QRFPR: variants seen among roughly 807,000 people sequenced by gnomAD.
QRFPR encodes pyroglutamylated RFamide peptide receptor.
QRFPR carries 37 observed loss-of-function variants against 31.3 expected under a neutral mutation model. The observed-to-expected ratio is 1.18, with a 90% CI of 0.91 to 1.56. The LOEUF is 1.56. Ranked by LOEUF, QRFPR falls within the 40% of genes most tolerant of loss-of-function variation. The pLI is 0.00. For synonymous variants in QRFPR, 197 were observed against 192.0 expected, an observed-to-expected ratio of 1.03 and a Z score of -0.22; for missense variants, 542 against 532.5, an observed-to-expected ratio of 1.02 and a Z score of -0.18.
intron 1 of QRFPR, among the ~76,000 whole-genome samples, chr4:121,364,589 G>A (rs955820246): frequency 1.3e-5 from 2 of 148,188 alleles, no homozygotes; most frequent in Non-Finnish European, 3.0e-5. Context: ...GCTGTGAGCC[G>A]AGATTGCGCC....
chr4:121,376,374 C>T (rs1424314642), intron 1 of QRFPR, among the ~76,000 whole-genome samples: 4 of 152,144 alleles, frequency 2.6e-5, no homozygotes, highest in Non-Finnish European at 5.9e-5. Flanking sequence ...CACTTAGATG[C>T]TGTGGATCAG....
chr4:121,349,795 G>A (rs927044969), intron 1 of QRFPR, among the ~76,000 whole-genome samples: 1 of 152,114 alleles, frequency 6.6e-6, no homozygotes, highest in Non-Finnish European at 1.5e-5. Flanking sequence ...CAATTAGAAT[G>A]GTTATCAAAT....
chr4:121,340,487 C>T lies in QRFPR; in HGVS notation c.464G>A (p.Trp155Ter). 6.2e-7 allele frequency: 1 copy of T among 1,614,050 alleles called. No individual in the cohort carries two copies. Among genetic ancestry groups the T allele is most frequent in the Non-Finnish European group, 8.5e-7 (1 of 1,179,964 alleles). Residue 155 changes from tryptophan to a stop codon, truncating the protein, a stop_gained, in exon 2 of 6, where the codon TGG becomes TAG. Coordinates refer to ENST00000394427, the MANE Select transcript of QRFPR (RefSeq NM_198179.3). LOFTEE classifies it high-confidence loss of function. ...QGLVHPFKMK[W>*]QYTNRRAFTM... is the part of the protein sequence containing the mutation. ...GAAAGCCCTTCGGTTGGTGTATTGCCACTTCATTTTAAAAGGATGCACAAG... is the reference window on the plus strand; with the variant it reads ...GAAAGCCCTTCGGTTGGTGTATTGCTACTTCATTTTAAAAGGATGCACAAG...
At chr4:121,345,284 C>T (rs1312475038) in intron 1 of QRFPR, among the ~76,000 whole-genome samples, 1 of 152,192 alleles carries the variant, frequency 6.6e-6, no homozygotes, top group Non-Finnish European at 1.5e-5. Context: ...TAGGTCACTG[C>T]TGAGTTATGG....
chr4:121,352,115 T>G (rs924455751), intron 1 of QRFPR, among the ~76,000 whole-genome samples: 3 of 152,178 alleles, frequency 2.0e-5, no homozygotes, highest in Non-Finnish European at 4.4e-5. Flanking sequence ...AAATATTTTT[T>G]GTTTTCTTTA....
intron 1 of QRFPR, among the ~76,000 whole-genome samples, chr4:121,359,645 GTA>G (rs34785724): frequency 2.0e-5 from 3 of 150,768 alleles, no homozygotes; most frequent in African/African-American, 4.9e-5. Flanking sequence ...GTGTGTGTGT[GTA>G]TATATATGTG....
intron 1 of QRFPR, among the ~76,000 whole-genome samples, chr4:121,350,417 TCAGATTGACATTCTGAA>T: frequency 6.6e-6 from 1 of 152,334 alleles, no homozygotes; most frequent in East Asian, 1.9e-4. Context: ...ATCAACTATT[TCAGATTGACATTCTGAA>T]CAAGTTTAGT....
chr4:121,329,252 C>G lies in QRFPR; in HGVS notation c.*62G>C, dbSNP rs13107938. ...ATAAAAAGAGTATTTGACCTTTGCT[C>G]AAAATAATTTTCTCTTTGGGTTACA... is the stretch of plus-strand genomic sequence containing the variant. On this transcript the variant is annotated 3_prime_UTR_variant, in exon 6 of 6. Transcript: ENST00000394427. 2.0e-5 allele frequency: 26 copies of G among 1,298,232 alleles called. No individual in the cohort carries two copies. Among genetic ancestry groups the G allele is most frequent in the Non-Finnish European group, 2.7e-5 (25 of 941,334 alleles). 80.4% of individuals were successfully genotyped at this position (1,298,232 alleles called of 1,614,324 possible). A position where few individuals can be genotyped will look rare whatever the true frequency, so the allele number is the denominator to read the frequency against.
intron 1 of QRFPR, among the ~76,000 whole-genome samples, chr4:121,372,871 G>A (rs1726278392): frequency 6.6e-6 from 1 of 152,126 alleles, no homozygotes; most frequent in Non-Finnish European, 1.5e-5. Context: ...TAAAGAAAAT[G>A]TAAGCTTATA....
rs755775786 is a variant in QRFPR, at chr4:121,380,457, G to T, written c.191C>A (p.Ala64Asp). 1 of 1,614,248 alleles carries T rather than the reference G, an allele frequency of 6.2e-7. No homozygotes were observed. Among genetic ancestry groups the T allele is most frequent in the South Asian group, 1.1e-5 (1 of 91,090 alleles). ...GCGGGTCACCACGTAGAACACCAGA[G>T]CATTGCCAAAGAGCGCCAGGGCGAA... The part of the protein sequence containing the change: ...LIFALALFGN[A>D]LVFYVVTRSK... The change falls in exon 1 of 6, where the codon GCT becomes GAT. Residue 64 changes from alanine to aspartate, a missense_variant. By Grantham distance (126) the Ala-to-Asp change is moderately radical (BLOSUM62 -2). Transcript: ENST00000394427.
intron 1 of QRFPR, among the ~76,000 whole-genome samples, chr4:121,378,215 A>G (rs1475529920): frequency 6.6e-6 from 1 of 152,184 alleles, no homozygotes; most frequent in Non-Finnish European, 1.5e-5. Flanking sequence ...AATGAGCAAT[A>G]TATTACTCTC....
chr4:121,363,232 A>C (rs1444393960), intron 1 of QRFPR, among the ~76,000 whole-genome samples: 2 of 150,138 alleles, frequency 1.3e-5, no homozygotes, highest in Non-Finnish European at 3.0e-5. Context: ...AGGCTGAGGC[A>C]GGAGAATCAC....
At chr4:121,355,698 C>G (rs13131191) in intron 1 of QRFPR, among the ~76,000 whole-genome samples, 39,063 of 151,722 alleles carry the variant, frequency 0.26, 5,687 homozygotes, top group Non-Finnish European at 0.34. Flanking sequence ...GATTTTATTA[C>G]TTTAAATTTC....
chr4:121,348,879 T>C (rs4391055), intron 1 of QRFPR, among the ~76,000 whole-genome samples: 10,589 of 152,032 alleles, frequency 0.07, 451 homozygotes, highest in East Asian at 0.11. Flanking sequence ...GGGCTGATCA[T>C]GAGGTCAGGA....
chr4:121,348,971 A>C (rs35610346), intron 1 of QRFPR, among the ~76,000 whole-genome samples: 10,570 of 151,902 alleles, frequency 0.07, 452 homozygotes, highest in East Asian at 0.11. Flanking sequence ...GTGGCAGGGG[A>C]CTGTAGTCCC....
chr4:121,369,041 T>C (rs1227653245), intron 1 of QRFPR, among the ~76,000 whole-genome samples: 1 of 152,188 alleles, frequency 6.6e-6, no homozygotes, highest in Non-Finnish European at 1.5e-5. Context: ...TTTATTTATT[T>C]ATTTAGAGAC....
intron 1 of QRFPR, among the ~76,000 whole-genome samples, chr4:121,349,388 A>G (rs932460166): frequency 6.6e-6 from 1 of 152,186 alleles, no homozygotes; most frequent in African/African-American, 2.4e-5. Flanking sequence ...CCTTTTATAT[A>G]CAGATATAGA....
intron 1 of QRFPR, among the ~76,000 whole-genome samples, chr4:121,369,250 A>G (rs539232261): frequency 6.6e-6 from 1 of 152,330 alleles, no homozygotes; most frequent in South Asian, 2.1e-4. Flanking sequence ...GCTGGTCTTT[A>G]ACTCCTGACC....
chr4:121,364,639 T>TAA (rs35353604), intron 1 of QRFPR, among the ~76,000 whole-genome samples: 3,700 of 139,380 alleles, frequency 0.027, 186 homozygotes, highest in South Asian at 0.044. Context: ...GACTCCATCT[T>TAA]AAAAAAAAAA....
Sources: gnomAD v4.1 joint callset for allele counts (sites outside exome capture counted in the v4.1 genomes callset) on GRCh38, gnomAD v4.1.1 for gene constraint, MANE v1.5 for transcripts, NCBI Gene and HGNC (gene_info 2026-07-23, HGNC 2026-07-21) for gene names.